Variants in NTM observed in about 807,000 individuals in gnomAD.
The protein encoded by NTM is neurotrimin, also known as IgLON family member 2.
A neutral mutation model predicts 42.1 loss-of-function variants in NTM; 13 were observed. The ratio of observed to expected loss-of-function variants is 0.31; its 90% CI spans 0.20 to 0.49. The LOEUF is 0.49. NTM is among the 20% of genes least tolerant of loss of function. The pLI, the probability that NTM is intolerant of heterozygous loss-of-function variation, is 0.99. For missense variants in NTM, 373 were observed against 452.8 expected (o/e 0.82, Z 1.60); for synonymous variants, 187 against 179.2 (o/e 1.04, Z -0.35).
At chr11:131,480,064 CAT>C (rs1953392857) in intron 1 of NTM, among the ~76,000 whole-genome samples, 1 of 151,124 alleles carries the variant, frequency 6.6e-6, no homozygotes, top group African/African-American at 2.4e-5. Flanking sequence ...TGTCATTCAT[CAT>C]AGGTTTTTTG....
At chr11:131,752,844 T>A (rs373788761) in intron 1 of NTM, among the ~76,000 whole-genome samples, 1 of 152,126 alleles carries the variant, frequency 6.6e-6, no homozygotes, top group East Asian at 1.9e-4. Context: ...GGACTTCATG[T>A]CTAAAACACC....
chr11:131,604,261 C>T (rs538410661), intron 1 of NTM, among the ~76,000 whole-genome samples: 5 of 152,202 alleles, frequency 3.3e-5, no homozygotes, highest in Non-Finnish European at 5.9e-5. Context: ...TTTTGATTTG[C>T]ATTTCCCTAA....
intron 1 of NTM, among the ~76,000 whole-genome samples, chr11:131,410,517 C>CAAAAAAAAAAAA (rs1161389222): frequency 2.1e-4 from 7 of 32,764 alleles, no homozygotes; most frequent in African/African-American, 2.8e-4. Flanking sequence ...AAACAATAAC[C>CAAAAAAAAAAAA]AAAAAAAAAA....
Position 132,324,968 on chromosome 11 carries a change from A to T in NTM, c.935-5185A>T, listed in dbSNP as rs1375366411. The stretch of plus-strand genomic sequence containing the variant: ...GTGCTGGGAAAACTGGCTAGCCATA[A>T]GTAGAAAGCTGAAACTGGATCCCTT... On this transcript the variant is annotated intron_variant, in intron 7 of 8. Coordinates refer to ENST00000683400, the MANE Select transcript of NTM (RefSeq NM_001352005.2). 1.9e-3 allele frequency among the ~76,000 whole-genome samples: 292 copies of T among 151,194 alleles called. 2 individuals are homozygous for T. In the East Asian group the frequency reaches 0.023, roughly 12 times the overall value.
intron 2 of NTM, among the ~76,000 whole-genome samples, chr11:132,117,773 T>G (rs938073066): frequency 1.3e-5 from 2 of 152,246 alleles, no homozygotes; most frequent in African/African-American, 4.8e-5. Context: ...AAAAATACTT[T>G]ACTGCTCTGT....
At chr11:131,702,811 C>A (rs544034681) in intron 1 of NTM, among the ~76,000 whole-genome samples, 4 of 152,100 alleles carry the variant, frequency 2.6e-5, no homozygotes, top group African/African-American at 7.2e-5. Context: ...CAGGATAGGA[C>A]GAATAGCCCC....
rs565903399 is a variant in NTM at position 131,740,808 on chromosome 11, G to T, written c.83-170756G>T. On this transcript the variant is annotated intron_variant, in intron 1 of 8. Coordinates refer to ENST00000683400, the MANE Select transcript of NTM (RefSeq NM_001352005.2). Reference sequence around the variant, plus strand: ...GCAGCTGGAACTGAGGGTCGGCTGGGCTCAGGCACAGTGTAATGGTCACAA... The same window carrying T: ...GCAGCTGGAACTGAGGGTCGGCTGGTCTCAGGCACAGTGTAATGGTCACAA... 2.6e-5 allele frequency among the ~76,000 whole-genome samples: 4 copies of T among 152,282 alleles called. No homozygotes were observed. In the East Asian group the frequency reaches 7.7e-4, roughly 29 times the overall value.
At chr11:131,655,076 A>C (rs1333460460) in intron 1 of NTM, among the ~76,000 whole-genome samples, 1 of 152,116 alleles carries the variant, frequency 6.6e-6, no homozygotes, top group African/African-American at 2.4e-5. Context: ...GCTGTAGCAC[A>C]CTGCTTCCCA....
intron 1 of NTM, among the ~76,000 whole-genome samples, chr11:131,500,571 ATATATATTTT>A (rs1359946735): frequency 0.013 from 1,129 of 85,310 alleles, 21 homozygotes; most frequent in African/African-American, 0.043. Flanking sequence ...ATATATATAT[ATATATATTTT>A]TTTTTTTTTT....
At chr11:131,589,306 T>C (rs2458789) in intron 1 of NTM, among the ~76,000 whole-genome samples, 89,060 of 151,818 alleles carry the variant, frequency 0.59, 27,179 homozygotes, top group African/African-American at 0.76. Flanking sequence ...GCAGGGCTTT[T>C]TTCTCTTCCC....
intron 2 of NTM, among the ~76,000 whole-genome samples, chr11:131,952,680 TAAAGACTGGCA>T (rs1475538892): frequency 6.6e-6 from 1 of 152,196 alleles, no homozygotes; most frequent in East Asian, 1.9e-4. Context: ...TTTTTCAACT[TAAAGACTGGCA>T]GAAATCTAAA....
chr11:131,936,675 A>G (rs964234755), intron 2 of NTM, among the ~76,000 whole-genome samples: 3 of 152,248 alleles, frequency 2.0e-5, no homozygotes, highest in African/African-American at 7.2e-5. Flanking sequence ...ACGCACATGC[A>G]TACACACACA....
intron 4 of NTM, among the ~76,000 whole-genome samples, chr11:132,259,779 T>C (rs1233211865): frequency 1.3e-5 from 2 of 151,966 alleles, no homozygotes; most frequent in African/African-American, 4.8e-5. Context: ...AGACGGAGTC[T>C]CTCTCTGTCG....
intron 2 of NTM, among the ~76,000 whole-genome samples, chr11:132,133,047 T>G (rs974651936): frequency 1.3e-5 from 2 of 152,224 alleles, no homozygotes; most frequent in African/African-American, 4.8e-5. Context: ...CTCGCTGTCA[T>G]CCAAAATCTT....
At chr11:132,256,575 A>G (rs1212803119) in intron 4 of NTM, among the ~76,000 whole-genome samples, 1 of 150,454 alleles carries the variant, frequency 6.6e-6, no homozygotes, top group Non-Finnish European at 1.5e-5. Flanking sequence ...TTTTTCCACC[A>G]TGACATTCCT....
In NTM at chr11:132,119,256, T is replaced by A. The variant is rs1466460412; in HGVS notation, c.168-27026T>A. Reference sequence around the variant, plus strand: ...TGCTCGTCCTGCAAGTGGTGTCTACTGAGATCATCAATGGCTGAAGGGTGC... The same window carrying A: ...TGCTCGTCCTGCAAGTGGTGTCTACAGAGATCATCAATGGCTGAAGGGTGC... On this transcript the variant is annotated intron_variant, in intron 2 of 8. Transcript: ENST00000683400. Among the ~76,000 whole-genome samples the A allele has an allele frequency of 2.0e-5, 3 of 152,210 alleles. No individual in the cohort carries two copies. In the East Asian group the frequency reaches 5.8e-4, roughly 29 times the overall value.
At chr11:131,735,656 G>A (rs115106574) in intron 1 of NTM, among the ~76,000 whole-genome samples, 9 of 152,120 alleles carry the variant, frequency 5.9e-5, no homozygotes, top group Non-Finnish European at 1.0e-4. Context: ...ATGCTAAACC[G>A]CCACCTGTGT....
intron 2 of NTM, among the ~76,000 whole-genome samples, chr11:131,965,643 G>A (rs1381138291): frequency 2.0e-5 from 3 of 152,104 alleles, no homozygotes; most frequent in Admixed American, 1.3e-4. Flanking sequence ...GAGTAAGCTC[G>A]CTGATCAGTG....
intron 1 of NTM, among the ~76,000 whole-genome samples, chr11:131,545,647 A>G (rs941682440): frequency 2.0e-5 from 3 of 152,220 alleles, no homozygotes; most frequent in Non-Finnish European, 4.4e-5. Context: ...GAGAGACATG[A>G]AATCAAAGAA....
Sources: allele counts gnomAD v4.1 joint callset (sites outside exome capture counted in the v4.1 genomes callset), GRCh38; gene constraint gnomAD v4.1.1; transcripts MANE v1.5; gene names NCBI Gene and HGNC (gene_info 2026-07-23, HGNC 2026-07-21).